Variants in VAV2 observed in about 807,000 individuals in gnomAD.
The protein encoded by VAV2 is guanine nucleotide exchange factor VAV2.
Under a neutral mutation model 132.5 loss-of-function variants are expected in VAV2, and 67 were observed. That is an observed-to-expected ratio of 0.51 (90% CI 0.42 to 0.62). The LOEUF is 0.62. Ranked by LOEUF, VAV2 falls within the 20% of genes least tolerant of loss-of-function variation. The pLI, the probability that VAV2 is intolerant of heterozygous loss-of-function variation, is 0.00. For missense variants in VAV2, 938 were observed against 1,153.6 expected, an observed-to-expected ratio of 0.81 and a Z score of 2.71; for synonymous variants, 492 against 443.5, an observed-to-expected ratio of 1.11 and a Z score of -1.37.
chr9:133,798,440 C>G (rs1296962057), intron 9 of VAV2, among the ~76,000 whole-genome samples: 1 of 152,178 alleles, frequency 6.6e-6, no homozygotes. Context: ...CCTCCTGGCC[C>G]CAGCATCGCT....
At chr9:133,955,357 C>T (rs960190509) in intron 1 of VAV2, among the ~76,000 whole-genome samples, 2 of 151,490 alleles carry the variant, frequency 1.3e-5, no homozygotes, top group African/African-American at 4.9e-5. Flanking sequence ...GTCGGAAGCA[C>T]GGTCCCCACA....
At chr9:133,777,613 G>A (rs1332232151) in intron 22 of VAV2, 150 bp from the exon 23 acceptor site, 2 of 743,622 alleles carry the variant, frequency 2.7e-6, no homozygotes, top group Admixed American at 4.8e-5. Context: ...TGACCCGGCA[G>A]CCAGTTAGGG....
chr9:133,767,446 T>G (rs1232888690), intron 29 of VAV2, among the ~76,000 whole-genome samples: 1 of 152,222 alleles, frequency 6.6e-6, no homozygotes, highest in Non-Finnish European at 1.5e-5. Context: ...GTTCTAAAAC[T>G]TAATGCTGTA....
intron 1 of VAV2, among the ~76,000 whole-genome samples, chr9:133,940,319 T>A (rs975878625): frequency 6.6e-6 from 1 of 152,142 alleles, no homozygotes. Flanking sequence ...CCCAGGATTG[T>A]CATCCTCATC....
intron 1 of VAV2, among the ~76,000 whole-genome samples, chr9:133,990,960 C>T (rs751694521): frequency 6.6e-6 from 1 of 152,148 alleles, no homozygotes; most frequent in Non-Finnish European, 1.5e-5. Flanking sequence ...AGAGAAAGGC[C>T]CGGTCTCCTA....
intron 10 of VAV2, 53 bp downstream of exon 10, chr9:133,797,657 T>A: frequency 6.5e-7 from 1 of 1,540,484 alleles, no homozygotes; most frequent in Non-Finnish European, 8.8e-7. Flanking sequence ...AGCTCTGGCC[T>A]GCAAGCTGCA....
In VAV2 at chr9:133,954,946, G is replaced by C. The variant is rs1406543141; in HGVS notation, c.205-15727C>G. Among the ~76,000 whole-genome samples the C allele has an allele frequency of 2.0e-5, 3 of 152,166 alleles. No homozygotes were observed. The East Asian group carries it at 5.8e-4, about 29-fold the overall frequency. ...GGTAAGATGTAAACAGATTTTTCCT[G>C]TTGTTTAAATGTACTTCGTTTTCAT... On this transcript the variant is annotated intron_variant, in intron 1 of 29. Coordinates refer to ENST00000371850, the MANE Select transcript of VAV2 (RefSeq NM_001134398.2).
intron 9 of VAV2, among the ~76,000 whole-genome samples, chr9:133,800,731 CCGAGGTTTAGGTGGA>C (rs937173377): frequency 6.6e-5 from 10 of 152,204 alleles, no homozygotes; most frequent in African/African-American, 2.2e-4. Context: ...TCACCTTGGC[CCGAGGTTTAGGTGGA>C]CGAGGGGCTG....
chr9:133,796,408 AC>A lies in VAV2; in HGVS notation c.1032+20del. 6.2e-7 allele frequency: 1 copy of A among 1,607,066 alleles called. No homozygotes were observed. Among genetic ancestry groups the A allele is most frequent in the Non-Finnish European group, 8.5e-7 (1 of 1,176,098 alleles). ...CTCCAGCAGTGATGACCCCGCAGGC[AC>A]CCGGGGCCCAGAGCCTCACCTTCAA... is the stretch of plus-strand genomic sequence containing the variant. On this transcript the variant is annotated intron_variant, in intron 11 of 29. Transcript: ENST00000371850.
At chr9:133,937,968 C>A (rs558362120) in intron 2 of VAV2, among the ~76,000 whole-genome samples, 1 of 152,250 alleles carries the variant, frequency 6.6e-6, no homozygotes, top group African/African-American at 2.4e-5. Flanking sequence ...AAGCGCCAAG[C>A]CTGGTGGCTC....
chr9:133,927,660 C>G (rs567776729), intron 2 of VAV2: 1 of 152,654 alleles, frequency 6.6e-6, no homozygotes, highest in East Asian at 1.9e-4. Flanking sequence ...CAGATCCTCC[C>G]CTCTGCGTTT....
chr9:133,788,575 G>C lies in VAV2; in HGVS notation c.1275-89C>G. Reference sequence around the variant, plus strand: ...GGCAGGAGCTGAGCCTGAGGCTCTGGCACGCGGCTCCCTCTCCGGGCGAGC... The same window carrying C: ...GGCAGGAGCTGAGCCTGAGGCTCTGCCACGCGGCTCCCTCTCCGGGCGAGC... On this transcript the variant is annotated intron_variant, in intron 14 of 29. Transcript: ENST00000371850. This position sits in a 1 kb window ranked among gnomAD's most constrained non-coding sequence, Gnocchi z 5.3. The C allele has an allele frequency of 6.5e-7, 1 of 1,534,474 alleles. No individual in the cohort carries two copies. The highest frequency in any genetic ancestry group is 1.4e-5 in the African/African-American group (1 of 73,624).
intron 2 of VAV2, among the ~76,000 whole-genome samples, chr9:133,905,343 G>A (rs1839607177): frequency 6.7e-6 from 1 of 148,950 alleles, no homozygotes; most frequent in African/African-American, 2.5e-5. Flanking sequence ...GGCTGAGGCA[G>A]GAGAATGGTG....
intron 1 of VAV2, among the ~76,000 whole-genome samples, chr9:133,954,963 C>T (rs549025876): frequency 2.0e-5 from 3 of 152,214 alleles, no homozygotes; most frequent in South Asian, 2.1e-4. Flanking sequence ...AAATGTACTT[C>T]GTTTTCATTA....
intron 4 of VAV2, among the ~76,000 whole-genome samples, chr9:133,825,335 C>T (rs1835944189): frequency 6.6e-6 from 1 of 152,190 alleles, no homozygotes; most frequent in Admixed American, 6.5e-5. Flanking sequence ...GGATGCCTGT[C>T]AACACCTCCT....
chr9:133,770,442 G>A lies in VAV2; in HGVS notation c.2283C>T (p.Thr761=). The A allele has an allele frequency of 3.1e-6, 5 of 1,614,164 alleles. No individual in the cohort carries two copies. In the Admixed American group the frequency reaches 5.0e-5, roughly 16 times the overall value. ...GGGACTTGTAGGGGTACTTGAGTGTGGTGTCCAGCTGCTTGAAGCTCTCCT... is the reference window on the plus strand; with the variant it reads ...GGGACTTGTAGGGGTACTTGAGTGTAGTGTCCAGCTGCTTGAAGCTCTCCT... ...SLKESFKQLD[T]TLKYPYKSRE... The change falls in exon 27 of 30, where the codon ACC becomes ACT. Residue 761 remains threonine (T), a synonymous_variant. Coordinates refer to ENST00000371850, the MANE Select transcript of VAV2 (RefSeq NM_001134398.2).
chr9:133,979,915 C>G (rs12337634), intron 1 of VAV2, among the ~76,000 whole-genome samples: 7,154 of 152,318 alleles, frequency 0.047, 405 homozygotes, highest in African/African-American at 0.14. Context: ...TCTCTCTCAT[C>G]TGAAAGTGCC....
chr9:133,914,591 G>T (rs1839991923), intron 2 of VAV2, among the ~76,000 whole-genome samples: 1 of 120,112 alleles, frequency 8.3e-6, no homozygotes, highest in Non-Finnish European at 1.7e-5. Flanking sequence ...GATTTCTGCT[G>T]TGTGTATTCC....
intron 2 of VAV2, among the ~76,000 whole-genome samples, chr9:133,905,156 C>T (rs187988846): frequency 3.3e-5 from 5 of 151,960 alleles, no homozygotes; most frequent in African/African-American, 1.2e-4. Context: ...CAGCCGGGCG[C>T]GGTGGCTCAC....
Sources: allele counts gnomAD v4.1 joint callset (sites outside exome capture counted in the v4.1 genomes callset), GRCh38; gene constraint gnomAD v4.1.1; non-coding constraint Gnocchi (gnomAD v3.1); transcripts MANE v1.5; gene names NCBI Gene and HGNC (gene_info 2026-07-23, HGNC 2026-07-21).